Variants in QRFPR observed in about 807,000 individuals in gnomAD.
The protein encoded by QRFPR is pyroglutamylated RF-amide peptide receptor.
A neutral mutation model predicts 31.3 loss-of-function variants in QRFPR; 37 were observed. The observed-to-expected ratio is 1.18, with a 90% CI of 0.91 to 1.56. QRFPR has a LOEUF of 1.56. QRFPR is among the 40% of genes most tolerant of loss of function. The pLI is 0.00. For missense variants in QRFPR, 542 were observed against 532.5 expected, an observed-to-expected ratio of 1.02 and a Z score of -0.18; for synonymous variants, 197 against 192.0, an observed-to-expected ratio of 1.03 and a Z score of -0.22.
At chr4:121,332,469 G>A (rs2110466466) in intron 4 of QRFPR, among the ~76,000 whole-genome samples, 1 of 152,310 alleles carries the variant, frequency 6.6e-6, no homozygotes, top group East Asian at 1.9e-4. Context: ...GGCCTTGGGA[G>A]TGAGACTGAT....
In QRFPR at chr4:121,366,686, T is replaced by C. The variant is rs1272533436; in HGVS notation, c.340+13622A>G. Among the ~76,000 whole-genome samples the C allele has an allele frequency of 2.7e-5, 4 of 150,024 alleles. 1 individual carries two copies. The highest frequency in any genetic ancestry group is 5.9e-5 in the Non-Finnish European group (4 of 67,604). On this transcript the variant is annotated intron_variant, in intron 1 of 5. Transcript: ENST00000394427. ...ACCATCCAGATGAGCCAACCTGAAA[T>C]TGCTGACCTGTAGAATCATGAATGA...
intron 1 of QRFPR, among the ~76,000 whole-genome samples, chr4:121,378,905 G>A (rs1726411131): frequency 6.6e-6 from 1 of 152,110 alleles, no homozygotes; most frequent in South Asian, 2.1e-4. Context: ...ATCATCCCCA[G>A]CACAAAGAAG....
intron 1 of QRFPR, among the ~76,000 whole-genome samples, chr4:121,351,230 G>A (rs1725755431): frequency 6.6e-6 from 1 of 152,198 alleles, no homozygotes; most frequent in African/African-American, 2.4e-5. Flanking sequence ...TTTGACTTAG[G>A]ATGAGTGGGT....
chr4:121,348,858 G>A (rs775675629), intron 1 of QRFPR, among the ~76,000 whole-genome samples: 17 of 152,256 alleles, frequency 1.1e-4, no homozygotes, highest in Non-Finnish European at 2.2e-4. Flanking sequence ...AGCACTTTGG[G>A]AGGCCGAGGC....
At chr4:121,365,640 TTTATATATTATATATTATATATATTTTA>T (rs1560744264) in intron 1 of QRFPR, among the ~76,000 whole-genome samples, 1 of 19,808 alleles carries the variant, frequency 5.0e-5, no homozygotes, top group Non-Finnish European at 8.6e-5. Flanking sequence ...ATATATATAT[TTTATATATTATATATTATATATATTTTA>T]TATATTATAT....
intron 3 of QRFPR, among the ~76,000 whole-genome samples, chr4:121,334,225 T>C (rs1322058503): frequency 1.3e-5 from 2 of 152,196 alleles, no homozygotes; most frequent in East Asian, 1.9e-4. Context: ...ACTACGGACT[T>C]CCTGACTTCA....
intron 1 of QRFPR, among the ~76,000 whole-genome samples, chr4:121,374,205 A>T (rs1289426311): frequency 6.6e-6 from 1 of 152,212 alleles, no homozygotes; most frequent in Non-Finnish European, 1.5e-5. Flanking sequence ...GGGCTTTAGT[A>T]AAGACGCAAT....
chr4:121,336,753 G>A, intron 3 of QRFPR, 54 bp downstream of exon 3: 1 of 1,357,218 alleles, frequency 7.4e-7, no homozygotes, highest in East Asian at 2.3e-5. Flanking sequence ...TTACAATTAA[G>A]AGGGGTGAGA....
At chr4:121,366,977 T>C (rs1321154331) in intron 1 of QRFPR, among the ~76,000 whole-genome samples, 1 of 149,986 alleles carries the variant, frequency 6.7e-6, no homozygotes, top group African/African-American at 2.5e-5. Flanking sequence ...AAGGACAATA[T>C]TCATACACCT....
chr4:121,358,638 A>C (rs1021298860), intron 1 of QRFPR, among the ~76,000 whole-genome samples: 1 of 152,058 alleles, frequency 6.6e-6, no homozygotes, highest in African/African-American at 2.4e-5. Flanking sequence ...CTCATCTTTC[A>C]TCTCTTTCCC....
intron 1 of QRFPR, among the ~76,000 whole-genome samples, chr4:121,363,888 T>C (rs981557443): frequency 6.7e-6 from 1 of 148,432 alleles, no homozygotes. Flanking sequence ...TAAGACTGAA[T>C]TGAAGGAGAA....
intron 1 of QRFPR, among the ~76,000 whole-genome samples, chr4:121,359,633 ATGTGTG>A (rs35744650): frequency 6.7e-6 from 1 of 150,002 alleles, no homozygotes; most frequent in Non-Finnish European, 1.5e-5. Flanking sequence ...TCATATATAT[ATGTGTG>A]TGTGTGTATA....
intron 1 of QRFPR, among the ~76,000 whole-genome samples, chr4:121,364,072 G>C (rs767400350): frequency 6.7e-6 from 1 of 150,008 alleles, no homozygotes; most frequent in Non-Finnish European, 1.5e-5. Flanking sequence ...GCTGGGGTCA[G>C]ACTGGGAACT....
At position 121,379,792 on chromosome 4, in the gene QRFPR, A is replaced by G. The variant is rs538478530; in HGVS notation, c.340+516T>C. On this transcript the variant is annotated intron_variant, in intron 1 of 5. Coordinates refer to ENST00000394427, the MANE Select transcript of QRFPR (RefSeq NM_198179.3). ...ATATTTGTTTTATGCTCATAGGTAC[A>G]AGAAGCTGTCTGCAAGCAACTGGGA... Among the ~76,000 whole-genome samples, 10 of 152,306 alleles carry G rather than the reference A, an allele frequency of 6.6e-5. No individual in the cohort carries two copies. In the South Asian group the frequency reaches 8.3e-4, roughly 13 times the overall value.
Position 121,329,179 on chromosome 4 carries a change from T to G in QRFPR, c.*135A>C. On this transcript the variant is annotated 3_prime_UTR_variant, in exon 6 of 6. Transcript: ENST00000394427. ...CTGCACTTGGACTAGCCTCGTGTCA[T>G]TTTTTAATGGAAACATGATTTGTTT... The G allele has an allele frequency of 1.4e-6, 1 of 717,544 alleles. No homozygotes were observed. The highest frequency in any genetic ancestry group is 2.2e-6 in the Non-Finnish European group (1 of 457,036). 44.4% of individuals were successfully genotyped at this position (717,544 alleles called of 1,614,324 possible).
intron 1 of QRFPR, among the ~76,000 whole-genome samples, chr4:121,347,361 C>T (rs1381119807): frequency 6.6e-6 from 1 of 151,984 alleles, no homozygotes; most frequent in Admixed American, 6.6e-5. Flanking sequence ...TTGCCTTATA[C>T]CGCTTTTCTT....
intron 1 of QRFPR, among the ~76,000 whole-genome samples, chr4:121,365,979 A>G (rs2110482091): frequency 6.7e-6 from 1 of 148,388 alleles, no homozygotes; most frequent in East Asian, 2.0e-4. Flanking sequence ...GCAAGAGTCA[A>G]TTTTCACAAA....
In QRFPR at chr4:121,332,915, T is replaced by G. The variant is rs753093066; in HGVS notation, c.703A>C (p.Ser235Arg). ...LPLMVMLILY[S>R]KIGYELWIKK... ...ATCCAAAGTTCATAACCAATTTTAC[T>G]GTACAGAATAAGCATCACCATAAGA... is the stretch of plus-strand genomic sequence containing the variant. The change falls in exon 4 of 6, where the codon AGT becomes CGT. Residue 235 changes from serine to arginine, a missense_variant. Transcript: ENST00000394427. The G allele has an allele frequency of 1.2e-6, 2 of 1,614,128 alleles. No homozygotes were observed. Among genetic ancestry groups the G allele is most frequent in the Non-Finnish European group, 8.5e-7 (1 of 1,179,976 alleles).
At chr4:121,340,689 T>C (rs1296094434) in intron 1 of QRFPR, 79 bp from the exon 2 acceptor site, 13 of 1,383,604 alleles carry the variant, frequency 9.4e-6, no homozygotes, top group Non-Finnish European at 1.3e-5. Context: ...TAATTATCAC[T>C]ATCAGTCCAT....
Sources: allele counts gnomAD v4.1 joint callset (sites outside exome capture counted in the v4.1 genomes callset), GRCh38; gene constraint gnomAD v4.1.1; transcripts MANE v1.5; gene names NCBI Gene and HGNC (gene_info 2026-07-23, HGNC 2026-07-21).